Variants in CERS2 observed in about 807,000 individuals in gnomAD.
CERS2 encodes the protein ceramide synthase 2.
A neutral mutation model predicts 56.6 loss-of-function variants in CERS2; 20 were observed. The observed-to-expected ratio is 0.35, with a 90% confidence interval of 0.25 to 0.51. The LOEUF (loss-of-function observed/expected upper bound fraction) is 0.51, where lower values mean the gene tolerates loss of function less well. CERS2 is among the 20% of genes least tolerant of loss of function. The probability of loss-of-function intolerance (pLI) is 0.96; values close to 1 mark genes in which losing one functional copy is unlikely to be tolerated. For missense variants in CERS2, 361 were observed against 488.6 expected (o/e 0.74, Z 2.46); for synonymous variants, 187 against 175.4 (o/e 1.07, Z -0.52).
rs955095760 is a variant in CERS2 at position 150,966,608 on chromosome 1, C to T, written c.870G>A (p.Val290=). Residue 290 remains valine (V), a synonymous_variant, in exon 10 of 11, where the codon GTG becomes GTA. Coordinates refer to ENST00000368954, the MANE Select transcript of CERS2 (RefSeq NM_022075.5). ...LPFWILHCTL[V]YPLELYPAFF... ...AGGCAGGATAGAGCTCCAGTGGGTA[C>T]ACCAGGGTGCAATGCAGGATCCTGA... The T allele has an allele frequency of 6.2e-7, 1 of 1,614,020 alleles. No homozygotes were observed. The highest frequency in any genetic ancestry group is 8.5e-7 in the Non-Finnish European group (1 of 1,180,000).
chr1:150,972,077 G>C (rs1318143234), intron 1 of CERS2: 6 of 371,828 alleles, frequency 1.6e-5, no homozygotes, highest in South Asian at 1.0e-4. Context: ...AGGGGGTGGG[G>C]GGCAGGCAAA....
chr1:150,972,401 C>T (rs587613154), intron 1 of CERS2, among the ~76,000 whole-genome samples: 1 of 152,290 alleles, frequency 6.6e-6, no homozygotes, highest in South Asian at 2.1e-4. Context: ...GCCGGCCTCA[C>T]TTACACATCC....
chr1:150,966,716 A>T, intron 9 of CERS2, 40 bp downstream of exon 9: 1 of 1,596,446 alleles, frequency 6.3e-7, no homozygotes, highest in East Asian at 2.2e-5. Context: ...AAGGCTCCTG[A>T]TTTCTTCAGA....
chr1:150,969,104 C>T lies in CERS2; in HGVS notation c.-1-13G>A. 1 of 1,612,420 alleles carries T rather than the reference C, an allele frequency of 6.2e-7. No homozygotes were observed. The highest frequency in any genetic ancestry group is 8.5e-7 in the Non-Finnish European group (1 of 1,179,424). On this transcript the variant is annotated splice_polypyrimidine_tract_variant and intron_variant, in intron 1 of 10. Coordinates refer to ENST00000368954, the MANE Select transcript of CERS2 (RefSeq NM_022075.5). ...GGTCTGGAGCATCCTGAGTGAGGGG[C>T]AAAGGGGAGGGCATCAAGAGGGAGT...
rs587653156 is a variant in CERS2, at chr1:150,974,584, C to T, written c.-2+35G>A. On this transcript the variant is annotated intron_variant, in intron 1 of 10. Coordinates refer to ENST00000368954, the MANE Select transcript of CERS2 (RefSeq NM_022075.5). ...TCCGCAGCCCCTTCCCACCCCCGCG[C>T]GGGGCTCGGGCGCCGGGCGGGGGCC... 3 of 149,250 alleles carry T rather than the reference C, an allele frequency of 2.0e-5. No individual in the cohort carries two copies. In the South Asian group the frequency reaches 6.2e-4, roughly 31 times the overall value. The allele number at this position is 149,250 out of a possible 1,614,324, so 9.2% of individuals were successfully genotyped here.
At position 150,966,689 on chromosome 1, in the gene CERS2, A is replaced by G. The variant is rs1251777425; in HGVS notation, c.849-60T>C. On this transcript the variant is annotated intron_variant, in intron 9 of 10. Coordinates refer to ENST00000368954, the MANE Select transcript of CERS2 (RefSeq NM_022075.5). ...AGCAGGTCAGACACCGGGGAGATACAGGAGGGGAAGAAAGGCAAGGCTCCT... is the reference window on the plus strand; with the variant it reads ...AGCAGGTCAGACACCGGGGAGATACGGGAGGGGAAGAAAGGCAAGGCTCCT... 7.5e-6 allele frequency: 12 copies of G among 1,605,368 alleles called. No homozygotes were observed. The Admixed American group carries it at 1.8e-4, about 25-fold the overall frequency.
rs1475842730 is a variant in CERS2 at position 150,965,519 on chromosome 1, G to A, written c.*629C>T. ...GAGGCAGTCAGATCTTAGACCTGTC[G>A]CTACAGGGACAGCTGAAAGAAGTAG... is the stretch of plus-strand genomic sequence containing the variant. On this transcript the variant is annotated 3_prime_UTR_variant, in exon 11 of 11. Coordinates refer to ENST00000368954, the MANE Select transcript of CERS2 (RefSeq NM_022075.5). 3.9e-5 allele frequency: 6 copies of A among 152,630 alleles called. No homozygotes were observed. The highest frequency in any genetic ancestry group is 8.8e-5 in the Non-Finnish European group (6 of 68,072). The allele number at this position is 152,630 out of a possible 1,614,324, so 9.5% of individuals were successfully genotyped here. A position where few individuals can be genotyped will look rare whatever the true frequency, so the allele number is the denominator to read the frequency against.
intron 1 of CERS2, among the ~76,000 whole-genome samples, chr1:150,969,697 ATTT>A (rs1313275897): frequency 6.6e-6 from 1 of 151,832 alleles, no homozygotes; most frequent in Non-Finnish European, 1.5e-5. Flanking sequence ...GGGTCTTGTC[ATTT>A]TGCTATCTTA....
At chr1:150,966,886 C>T (rs1285859587) in intron 8 of CERS2, 24 bp from the exon 9 acceptor site, 1 of 1,556,786 alleles carries the variant, frequency 6.4e-7, no homozygotes, top group South Asian at 1.1e-5. Context: ...CCCCATCCAT[C>T]ATCATGGGCT....
rs1276914160 is a variant in CERS2, at chr1:150,967,125, T to G, written c.690A>C (p.Arg230=). 6.2e-7 allele frequency: 1 copy of G among 1,613,880 alleles called. No homozygotes were observed. Among genetic ancestry groups the G allele is most frequent in the Non-Finnish European group, 8.5e-7 (1 of 1,179,918 alleles). The change falls in exon 8 of 11, where the codon CGA becomes CGC. Residue 230 remains arginine, a synonymous_variant. Transcript: ENST00000368954. ...ISFSWFANYI[R]AGTLIMALHD... ...GCAGAGCCATGATTAGAGTCCCAGC[T>G]CGGATGTAATTGGCAAACCAGGAAA...
chr1:150,965,908 T>G lies in CERS2; in HGVS notation c.*240A>C, dbSNP rs1571670284. The G allele has an allele frequency of 9.5e-6, 4 of 419,990 alleles. No homozygotes were observed. The highest frequency in any genetic ancestry group is 4.1e-5 in the East Asian group (1 of 24,606). 26.0% of individuals were successfully genotyped at this position (419,990 alleles called of 1,614,324 possible). A position where few individuals can be genotyped will look rare whatever the true frequency, so the allele number is the denominator to read the frequency against. On this transcript the variant is annotated 3_prime_UTR_variant, in exon 11 of 11. Coordinates refer to ENST00000368954, the MANE Select transcript of CERS2 (RefSeq NM_022075.5). ...GCAGTAGAAAGGATGACTTGGCGGG[T>G]AGGGAGGAAAATACGACCGTCCCCC... is the stretch of plus-strand genomic sequence containing the variant.
At chr1:150,968,579 C>G in intron 2 of CERS2, 67 bp from the exon 3 acceptor site, 4 of 1,274,868 alleles carry the variant, frequency 3.1e-6, no homozygotes, top group Non-Finnish European at 4.6e-6. Context: ...GCTAAGGCAA[C>G]TTTACCCTGG....
At chr1:150,972,617 G>A (rs587652572) in intron 1 of CERS2, among the ~76,000 whole-genome samples, 1 of 152,172 alleles carries the variant, frequency 6.6e-6, no homozygotes, top group Non-Finnish European at 1.5e-5. Flanking sequence ...ATCACATCTA[G>A]AAACACTTTT....
chr1:150,967,629 T>C, intron 6 of CERS2, 35 bp downstream of exon 6: 1 of 1,582,372 alleles, frequency 6.3e-7, no homozygotes, highest in Non-Finnish European at 8.7e-7. Flanking sequence ...GGGTGTGTCT[T>C]AGTCCACCCC....
intron 5 of CERS2, 28 bp downstream of exon 5, chr1:150,967,792 C>T: frequency 6.2e-7 from 1 of 1,610,842 alleles, no homozygotes; most frequent in Non-Finnish European, 8.5e-7. Context: ...AGAGAACCTA[C>T]TCCCACCTCC....
intron 7 of CERS2, 77 bp from the exon 8 acceptor site, chr1:150,967,279 G>T: frequency 6.6e-7 from 1 of 1,518,138 alleles, no homozygotes; most frequent in Non-Finnish European, 9.1e-7. Flanking sequence ...CTTGCCTTTG[G>T]TTCCCCATAT....
chr1:150,969,085 G>C lies in CERS2; in HGVS notation c.6C>G (p.Leu2=), dbSNP rs770036812. Residue 2 remains leucine, a synonymous_variant, in exon 2 of 11, where the codon CTC becomes CTG. Transcript: ENST00000368954. ...ACCAGAAGTAATCATACAAGGTCTG[G>C]AGCATCCTGAGTGAGGGGCAAAGGG... M[L]QTLYDYFWWE... 2 of 1,613,692 alleles carry C rather than the reference G, an allele frequency of 1.2e-6. No homozygotes were observed.
intron 3 of CERS2, 30 bp from the exon 4 acceptor site, chr1:150,968,231 G>A (rs587664975): frequency 1.3e-6 from 2 of 1,599,100 alleles, no homozygotes; most frequent in African/African-American, 2.7e-5. Flanking sequence ...CCATTGTTAT[G>A]TTTACCTTCG....
At chr1:150,969,254 C>CTG in intron 1 of CERS2, 163 bp from the exon 2 acceptor site, 1 of 628,094 alleles carries the variant, frequency 1.6e-6, no homozygotes, top group Non-Finnish European at 2.8e-6. Flanking sequence ...GTTTCCTCAT[C>CTG]TGTAATACGG....
Sources: allele counts gnomAD v4.1 joint callset (sites outside exome capture counted in the v4.1 genomes callset), GRCh38; gene constraint gnomAD v4.1.1; transcripts MANE v1.5; gene names NCBI Gene and HGNC (gene_info 2026-07-23, HGNC 2026-07-21).